ATP13A5: variants seen among roughly 807,000 people sequenced by gnomAD.
ATP13A5 encodes probable cation-transporting ATPase 13A5.
Under a neutral mutation model 150.2 loss-of-function variants are expected in ATP13A5, and 149 were observed. The observed-to-expected ratio is 0.99, with a 90% CI of 0.87 to 1.14. ATP13A5 has a LOEUF of 1.14. Ranked by LOEUF, ATP13A5 falls within the 50% of genes most tolerant of loss-of-function variation. The pLI is 0.00. For synonymous variants in ATP13A5, 497 were observed against 522.2 expected (o/e 0.95, Z 0.66); for missense variants, 1,383 against 1,449.3 (o/e 0.95, Z 0.74).
chr3:193,356,448 A>T (rs181159244), intron 5 of ATP13A5, among the ~76,000 whole-genome samples: 13 of 152,246 alleles, frequency 8.5e-5, no homozygotes, highest in Admixed American at 7.2e-4. Flanking sequence ...AAACATACCT[A>T]ATAAAATTGC....
intron 21 of ATP13A5, among the ~76,000 whole-genome samples, chr3:193,309,864 C>A (rs1321695472): frequency 6.6e-6 from 1 of 151,970 alleles, no homozygotes; most frequent in Non-Finnish European, 1.5e-5. Flanking sequence ...TTTTTTTAAT[C>A]CCCTTTTTTA....
chr3:193,367,833 C>T lies in ATP13A5; in HGVS notation c.64-3553G>A, dbSNP rs751372324. On this transcript the variant is annotated intron_variant, in intron 1 of 29. Transcript: ENST00000342358. ...AATAGATGAGAACATCTTTAAGCAA[C>T]ATCATGTGTAATGATGAAATAGTGA... 3.5e-4 allele frequency among the ~76,000 whole-genome samples: 54 copies of T among 152,238 alleles called. 1 individual carries two copies. The highest frequency in any genetic ancestry group is 6.6e-4 in the Non-Finnish European group (45 of 67,996).
Position 193,286,607 on chromosome 3 carries a change from C to T in ATP13A5, c.3024-1491G>A, listed in dbSNP as rs184247493. ...GCTTTTATAAGAATGCAAATTTAAT[C>T]GATAAATATTGTCTGTGTCTGACTG... On this transcript the variant is annotated intron_variant, in intron 26 of 29. Transcript: ENST00000342358. Among the ~76,000 whole-genome samples the T allele has an allele frequency of 2.0e-4, 30 of 152,246 alleles. No individual in the cohort carries two copies. The East Asian group carries it at 4.2e-3, about 22-fold the overall frequency.
chr3:193,337,179 C>T (rs1435979264), intron 9 of ATP13A5, among the ~76,000 whole-genome samples: 1 of 152,104 alleles, frequency 6.6e-6, no homozygotes, highest in Non-Finnish European at 1.5e-5. Context: ...TTCTCCCATT[C>T]TCTAGGTTGT....
At chr3:193,350,917 C>T (rs1712538483) in intron 7 of ATP13A5, 150 bp downstream of exon 7, 1 of 797,902 alleles carries the variant, frequency 1.3e-6, no homozygotes, top group Admixed American at 2.9e-5. Flanking sequence ...AGTCCAAAGT[C>T]CTTCTGTCAT....
chr3:193,293,082 G>T (rs1473033054), intron 25 of ATP13A5, among the ~76,000 whole-genome samples: 1 of 152,008 alleles, frequency 6.6e-6, no homozygotes, highest in Non-Finnish European at 1.5e-5. Context: ...AGTTTCCTTT[G>T]CTTAAAGACC....
intron 7 of ATP13A5, among the ~76,000 whole-genome samples, chr3:193,349,320 C>T (rs574087744): frequency 6.6e-6 from 1 of 152,206 alleles, no homozygotes; most frequent in South Asian, 2.1e-4. Context: ...CCATATTAGC[C>T]ACTGTTTTGA....
chr3:193,315,912 C>A (rs757891355), intron 17 of ATP13A5, among the ~76,000 whole-genome samples: 6 of 152,064 alleles, frequency 3.9e-5, no homozygotes, highest in Non-Finnish European at 5.9e-5. Flanking sequence ...ATGTATTCAT[C>A]TTGCATAACT....
intron 9 of ATP13A5, among the ~76,000 whole-genome samples, chr3:193,335,784 C>T (rs1315181142): frequency 6.6e-6 from 1 of 152,170 alleles, no homozygotes; most frequent in Non-Finnish European, 1.5e-5. Context: ...ATGATTCAAA[C>T]ATCATTGCCT....
rs567480587 is a variant in ATP13A5 at position 193,301,300 on chromosome 3, G to A, written c.2686C>T (p.Arg896Ter). 4.4e-5 allele frequency: 71 copies of A among 1,608,860 alleles called. No homozygotes were observed. The highest frequency in any genetic ancestry group is 1.7e-4 in the Middle Eastern group (1 of 5,976). ...CCAAAGGATGAAACCAGAGCAGCTC[G>A]GCCTTCTCTGTTTAAAAAGAAATAA... ...QCVPHLIREGRAALVSSFGVF... is the reference protein window; with the variant it reads ...QCVPHLIREG Residue 896 changes from arginine to a stop codon, truncating the protein, a stop_gained, in exon 24 of 30, where the codon CGA becomes TGA. Coordinates refer to ENST00000342358, the MANE Select transcript of ATP13A5 (RefSeq NM_198505.4). LOFTEE classifies it high-confidence loss of function.
intron 23 of ATP13A5, among the ~76,000 whole-genome samples, chr3:193,303,252 A>T (rs143410053): frequency 4.6e-5 from 7 of 151,356 alleles, no homozygotes; most frequent in African/African-American, 1.7e-4. Flanking sequence ...CCCACCTGGA[A>T]TTCCTTCTCA....
At chr3:193,364,304 G>T in intron 1 of ATP13A5, 24 bp from the exon 2 acceptor site, 2 of 1,598,154 alleles carry the variant, frequency 1.3e-6, no homozygotes, top group Non-Finnish European at 1.7e-6. Flanking sequence ...TTAAAAGATC[G>T]CTCTATTTTT....
Position 193,275,159 on chromosome 3 carries a change from A to G in ATP13A5, c.3540T>C (p.Gly1180=). 1 of 1,614,078 alleles carries G rather than the reference A, an allele frequency of 6.2e-7. No homozygotes were observed. Among genetic ancestry groups the G allele is most frequent in the Non-Finnish European group, 8.5e-7 (1 of 1,180,018 alleles). ...WPPINRTDYS[G]DGKNGFYING... is the part of the protein sequence containing the mutation. ...TGATGTAGAATCCATTTTTGCCATC[A>G]CCTGAATAATCTGTCCTGTTTATGG... Residue 1180 remains glycine (G), a synonymous_variant, in exon 30 of 30, where the codon GGT becomes GGC. Coordinates refer to ENST00000342358, the MANE Select transcript of ATP13A5 (RefSeq NM_198505.4).
At chr3:193,285,491 T>A (rs1206871973) in intron 26 of ATP13A5, among the ~76,000 whole-genome samples, 1 of 152,210 alleles carries the variant, frequency 6.6e-6, no homozygotes, top group Non-Finnish European at 1.5e-5. Flanking sequence ...CTGCCACTCC[T>A]ATTTACTTCC....
At chr3:193,330,765 A>G (rs1711599858) in intron 12 of ATP13A5, among the ~76,000 whole-genome samples, 2 of 152,236 alleles carry the variant, frequency 1.3e-5, no homozygotes, top group South Asian at 4.1e-4. Context: ...AGATTCACTT[A>G]TCTTCTGGAC....
At chr3:193,299,257 T>G (rs746632687) in intron 24 of ATP13A5, 54 bp from the exon 25 acceptor site, 3 of 1,399,762 alleles carry the variant, frequency 2.1e-6, no homozygotes, top group Admixed American at 1.8e-5. Flanking sequence ...CATAGCCTAT[T>G]TATTATTCCC....
chr3:193,346,274 G>T (rs189279959), intron 7 of ATP13A5, among the ~76,000 whole-genome samples: 20 of 152,180 alleles, frequency 1.3e-4, no homozygotes, highest in Admixed American at 4.6e-4. Flanking sequence ...TAACTGGAAA[G>T]ACTTGCTTGA....
chr3:193,302,879 T>TA (rs372837025), intron 23 of ATP13A5, among the ~76,000 whole-genome samples: 29 of 152,190 alleles, frequency 1.9e-4, no homozygotes, highest in African/African-American at 6.8e-4. Flanking sequence ...ATCTAATTTT[T>TA]ATGAGTCTAT....
At position 193,351,241 on chromosome 3, in the gene ATP13A5, C is replaced by A. The variant is rs377436684; in HGVS notation, c.607-40G>T. 6.2e-6 allele frequency: 10 copies of A among 1,603,920 alleles called. No homozygotes were observed. The Admixed American group carries it at 1.5e-4, about 25-fold the overall frequency. ...ATGGCATTTGGGTCACTTGCATGAACCTTAGTAGCAATCAAGAAGATGTCA... is the reference window on the plus strand; with the variant it reads ...ATGGCATTTGGGTCACTTGCATGAAACTTAGTAGCAATCAAGAAGATGTCA... On this transcript the variant is annotated intron_variant, in intron 6 of 29. Transcript: ENST00000342358.
Sources: allele counts gnomAD v4.1 joint callset (sites outside exome capture counted in the v4.1 genomes callset), GRCh38; gene constraint gnomAD v4.1.1; transcripts MANE v1.5; gene names NCBI Gene and HGNC (gene_info 2026-07-23, HGNC 2026-07-21).